Variants in SLC6A16 observed in about 807,000 individuals in gnomAD.
SLC6A16 encodes solute carrier family 6 member 16.
A neutral mutation model predicts 65.4 loss-of-function variants in SLC6A16; 54 were observed. The observed-to-expected ratio is 0.83, with a 90% CI of 0.66 to 1.04. The LOEUF (loss-of-function observed/expected upper bound fraction) is 1.04, where lower values mean the gene tolerates loss of function less well. Ranked by LOEUF, SLC6A16 falls within the 50% of genes least tolerant of loss-of-function variation. The pLI, the probability that SLC6A16 is intolerant of heterozygous loss-of-function variation, is 0.00. For synonymous variants in SLC6A16, 330 were observed against 346.5 expected (o/e 0.95, Z 0.53); for missense variants, 816 against 914.0 (o/e 0.89, Z 1.38).
At chr19:49,306,697 C>A (rs985411130) in intron 7 of SLC6A16, among the ~76,000 whole-genome samples, 1 of 151,954 alleles carries the variant, frequency 6.6e-6, no homozygotes, top group Non-Finnish European at 1.5e-5. Context: ...TGTGTGCCAC[C>A]ACGCCCGGCT....
chr19:49,293,825 A>G lies in SLC6A16; in HGVS notation c.1618+2T>C, dbSNP rs1172716250. 1.2e-6 allele frequency: 2 copies of G among 1,613,152 alleles called. No individual in the cohort carries two copies. The highest frequency in any genetic ancestry group is 1.7e-5 in the Admixed American group (1 of 60,002). On this transcript the variant is annotated splice_donor_variant, in intron 9 of 11. Coordinates refer to ENST00000335875, the MANE Select transcript of SLC6A16 (RefSeq NM_014037.3). LOFTEE classifies it high-confidence loss of function. ...TTAGGAGTAGGGCCTAGGTCAGAGT[A>G]CCTATGAGCAGCTTTGTATGTTTCC... is the stretch of plus-strand genomic sequence containing the variant.
At chr19:49,318,719 T>C (rs190419320) in intron 1 of SLC6A16, among the ~76,000 whole-genome samples, 7 of 152,238 alleles carry the variant, frequency 4.6e-5, no homozygotes, top group East Asian at 1.9e-4. Flanking sequence ...GACAGACAGA[T>C]AGATATTTTC....
At chr19:49,340,123 A>G in the SLC6A16 span, 1 of 1,521,662 alleles carries the variant, frequency 6.6e-7, no homozygotes, top group Non-Finnish European at 8.9e-7. Flanking sequence ...TTTTCTACCT[A>G]TCCCCTTCTC....
chr19:49,335,769 G>T, the SLC6A16 span: 1 of 1,613,700 alleles, frequency 6.2e-7, no homozygotes. This position sits in a 1 kb window ranked among gnomAD's most constrained non-coding sequence, Gnocchi z 4.6. Context: ...GACAAGACCA[G>T]CTTCGTGTCC....
rs1244826738 is a variant in SLC6A16, at chr19:49,311,373, C to A, written c.-26G>T. 1 of 1,529,996 alleles carries A rather than the reference C, an allele frequency of 6.5e-7. No homozygotes were observed. The highest frequency in any genetic ancestry group is 1.3e-5 in the South Asian group (1 of 76,712). 94.8% of individuals were successfully genotyped at this position (1,529,996 alleles called of 1,614,324 possible). On this transcript the variant is annotated 5_prime_UTR_variant, in exon 2 of 12. An upstream open reading frame in the 5' UTR gains an earlier in-frame stop. Coordinates refer to ENST00000335875, the MANE Select transcript of SLC6A16 (RefSeq NM_014037.3). Reference sequence around the variant, plus strand: ...CTCACACAGACTCTCTGGGGCAGCTCCCGCTTCTGCAAGGGAGGGTTCATC... The same window carrying A: ...CTCACACAGACTCTCTGGGGCAGCTACCGCTTCTGCAAGGGAGGGTTCATC...
intron 9 of SLC6A16, 141 bp from the exon 10 acceptor site, chr19:49,293,523 G>T: frequency 1.3e-6 from 1 of 784,324 alleles, no homozygotes; most frequent in Middle Eastern, 3.7e-4. Flanking sequence ...CAAGCATTTT[G>T]GGGAGCCTAA....
rs1970486854 is a variant in SLC6A16, at chr19:49,310,164, C to T, written c.576G>A (p.Val192=). The T allele has an allele frequency of 6.2e-7, 1 of 1,613,926 alleles. No homozygotes were observed. The highest frequency in any genetic ancestry group is 1.1e-5 in the South Asian group (1 of 91,066). Residue 192 remains valine (V), a splice_region_variant and synonymous_variant, in exon 4 of 12, where the codon GTG becomes GTA. Coordinates refer to ENST00000335875, the MANE Select transcript of SLC6A16 (RefSeq NM_014037.3). ...TGAAGTACAGGCCGAGGATGAAGCA[C>T]ACCTGGGGGCCAAGGAGGATATGGC... ...IGGVGYSSFM[V]CFILGLYFNV... is the part of the protein sequence containing the mutation.
chr19:49,315,194 A>G lies in SLC6A16; in HGVS notation c.-64-3783T>C, dbSNP rs1970594851. Among the ~76,000 whole-genome samples the G allele has an allele frequency of 2.0e-5, 3 of 152,232 alleles. No individual in the cohort carries two copies. In the South Asian group the frequency reaches 6.2e-4, roughly 31 times the overall value. On this transcript the variant is annotated intron_variant, in intron 1 of 11. Transcript: ENST00000335875. ...TGTAATCACTGAGGAGTCAGTTCAC[A>G]TCTCTTTTTCCTGATGAAGTGGTTC...
the SLC6A16 span, chr19:49,339,303 C>T: frequency 1.3e-6 from 2 of 1,599,962 alleles, no homozygotes; most frequent in Non-Finnish European, 1.7e-6. The surrounding 1 kb of genome is among the most constrained non-coding windows in gnomAD (Gnocchi z 4.5). Flanking sequence ...AGAAAGAATC[C>T]CTTTAACTTT....
chr19:49,328,466 A>C (rs1203500648), upstream of SLC6A16, among the ~76,000 whole-genome samples: 1 of 152,218 alleles, frequency 6.6e-6, no homozygotes, highest in Non-Finnish European at 1.5e-5. Context: ...AAATCATAGC[A>C]ATGGGCTAAA....
chr19:49,305,687 G>C (rs1970373148), intron 7 of SLC6A16: 2 of 151,720 alleles, frequency 1.3e-5, no homozygotes, highest in South Asian at 4.2e-4. Flanking sequence ...ATGCAGCCAT[G>C]TCAGTGAACC....
In SLC6A16 at chr19:49,310,167, C is replaced by T. The variant is rs1453429642; in HGVS notation, c.574-1G>A. ...AGTACAGGCCGAGGATGAAGCACAC[C>T]TGGGGGCCAAGGAGGATATGGCTGG... is the stretch of plus-strand genomic sequence containing the variant. On this transcript the variant is annotated splice_acceptor_variant, in intron 3 of 11. Coordinates refer to ENST00000335875, the MANE Select transcript of SLC6A16 (RefSeq NM_014037.3). LOFTEE classifies it high-confidence loss of function. 1.2e-6 allele frequency: 2 copies of T among 1,613,976 alleles called. No individual in the cohort carries two copies. Among genetic ancestry groups the T allele is most frequent in the Non-Finnish European group, 1.7e-6 (2 of 1,180,000 alleles).
At chr19:49,336,507 G>A in the SLC6A16 span, 537 of 167,962 alleles carry the variant, frequency 3.2e-3, 4 homozygotes, top group East Asian at 0.042. Flanking sequence ...GCAGTGAGCC[G>A]AGATCACATC....
At chr19:49,335,679 T>C in the SLC6A16 span, 1 of 1,612,608 alleles carries the variant, frequency 6.2e-7, no homozygotes, top group Non-Finnish European at 8.5e-7. This position sits in a 1 kb window ranked among gnomAD's most constrained non-coding sequence, Gnocchi z 4.6. Context: ...TCTTCCCCTG[T>C]GGCCCACCCC....
the SLC6A16 span, chr19:49,336,013 G>C: frequency 2.4e-5 from 14 of 578,078 alleles, no homozygotes; most frequent in African/African-American, 3.7e-5. Context: ...CTTCCTATCT[G>C]TCGGGACTTG....
rs1379668443 is a variant in SLC6A16, at chr19:49,310,931, A to G, written c.415+2T>C. 2 of 1,608,970 alleles carry G rather than the reference A, an allele frequency of 1.2e-6. No homozygotes were observed. Among genetic ancestry groups the G allele is most frequent in the African/African-American group, 1.3e-5 (1 of 74,926 alleles). On this transcript the variant is annotated splice_donor_variant, in intron 2 of 11. Coordinates refer to ENST00000335875, the MANE Select transcript of SLC6A16 (RefSeq NM_014037.3). LOFTEE classifies it high-confidence loss of function. Reference sequence around the variant, plus strand: ...CCCAGGTTTCCTGGTCCCCAGACTTACAGCCTCCACTGTTAAGCCACAGGT... The same window carrying G: ...CCCAGGTTTCCTGGTCCCCAGACTTGCAGCCTCCACTGTTAAGCCACAGGT...
At chr19:49,296,610 C>T (rs1173131999) in intron 7 of SLC6A16, among the ~76,000 whole-genome samples, 2 of 152,120 alleles carry the variant, frequency 1.3e-5, no homozygotes, top group African/African-American at 4.8e-5. Context: ...TAATTTTGAT[C>T]CTTGCCTCAT....
intron 1 of SLC6A16, among the ~76,000 whole-genome samples, chr19:49,313,688 A>G (rs1970566217): frequency 6.6e-6 from 1 of 151,492 alleles, no homozygotes; most frequent in South Asian, 2.1e-4. Context: ...CCTAGTTACT[A>G]GGGAGGCTGA....
At chr19:49,294,835 C>A (rs185668365) in intron 7 of SLC6A16, among the ~76,000 whole-genome samples, 10 of 152,164 alleles carry the variant, frequency 6.6e-5, no homozygotes, top group Admixed American at 3.9e-4. Flanking sequence ...ATTTCTTATA[C>A]GCTGTCTACC....
Sources: gnomAD v4.1 joint callset for allele counts (sites outside exome capture counted in the v4.1 genomes callset) on GRCh38, gnomAD v4.1.1 for gene constraint, Gnocchi (gnomAD v3.1) non-coding constraint, MANE v1.5 for transcripts, NCBI Gene and HGNC (gene_info 2026-07-23, HGNC 2026-07-21) for gene names.